Variants in SGCZ observed in about 807,000 individuals in gnomAD.
SGCZ encodes sarcoglycan zeta, also known as zeta-sarcoglycan.
Under a neutral mutation model 41.3 loss-of-function variants are expected in SGCZ, and 40 were observed. The ratio of observed to expected loss-of-function variants is 0.97; its 90% CI spans 0.75 to 1.26. The LOEUF (loss-of-function observed/expected upper bound fraction) is 1.26. Ranked by LOEUF, SGCZ falls within the 50% of genes most tolerant of loss-of-function variation. SGCZ has a pLI of 0.00. For synonymous variants in SGCZ, 206 were observed against 137.5 expected (o/e 1.50, Z -3.49); for missense variants, 552 against 369.8 (o/e 1.49, Z -4.04).
intron 3 of SGCZ, among the ~76,000 whole-genome samples, chr8:14,310,019 G>C (rs139703619): frequency 2.6e-5 from 4 of 151,950 alleles, no homozygotes; most frequent in African/African-American, 7.2e-5. Flanking sequence ...AAAAAAACTT[G>C]GCATTTCTAT....
intron 1 of SGCZ, among the ~76,000 whole-genome samples, chr8:14,598,530 T>G (rs1343805090): frequency 6.6e-6 from 1 of 151,812 alleles, no homozygotes; most frequent in Admixed American, 6.6e-5. Context: ...TATATATACA[T>G]AGCTTTTTTT....
intron 1 of SGCZ, among the ~76,000 whole-genome samples, chr8:14,992,199 T>C (rs1301041948): frequency 6.6e-6 from 1 of 151,694 alleles, no homozygotes; most frequent in Non-Finnish European, 1.5e-5. Flanking sequence ...TTATCCTTGA[T>C]ATTTACCTCT....
intron 2 of SGCZ, among the ~76,000 whole-genome samples, chr8:14,459,257 G>T (rs1482367667): frequency 6.6e-6 from 1 of 151,958 alleles, no homozygotes; most frequent in Non-Finnish European, 1.5e-5. Flanking sequence ...CCACACACCG[G>T]GGCCTGTTGT....
chr8:14,487,281 G>T (rs1305897516), intron 2 of SGCZ, among the ~76,000 whole-genome samples: 1 of 152,150 alleles, frequency 6.6e-6, no homozygotes. Flanking sequence ...ATAAGAATAT[G>T]AAACCATCCT....
At chr8:15,152,755 TG>T (rs1799218062) in intron 1 of SGCZ, among the ~76,000 whole-genome samples, 1 of 152,230 alleles carries the variant, frequency 6.6e-6, no homozygotes, top group African/African-American at 2.4e-5. Flanking sequence ...AAGTCCTTTT[TG>T]TTTAATGTCT....
intron 5 of SGCZ, among the ~76,000 whole-genome samples, chr8:14,110,525 T>C (rs567403165): frequency 6.6e-6 from 1 of 152,094 alleles, no homozygotes; most frequent in Admixed American, 6.6e-5. Flanking sequence ...TTTAAAGGAT[T>C]CTTGAAGAAA....
intron 1 of SGCZ, among the ~76,000 whole-genome samples, chr8:14,923,239 G>C (rs914589922): frequency 5.3e-5 from 8 of 152,122 alleles, no homozygotes; most frequent in African/African-American, 1.9e-4. Flanking sequence ...AGTGTAGGCA[G>C]CCTTTATTCT....
At chr8:14,275,081 G>A (rs1160492626) in intron 3 of SGCZ, among the ~76,000 whole-genome samples, 1 of 152,108 alleles carries the variant, frequency 6.6e-6, no homozygotes, top group Non-Finnish European at 1.5e-5. Context: ...TGTACATGTA[G>A]GAATACAGAA....
intron 5 of SGCZ, among the ~76,000 whole-genome samples, chr8:14,113,480 A>T (rs1251353942): frequency 1.3e-5 from 2 of 151,994 alleles, no homozygotes; most frequent in Non-Finnish European, 2.9e-5. Context: ...GCACCACATG[A>T]TGGATGGGAG....
chr8:14,245,063 T>A (rs1373446376), intron 3 of SGCZ, among the ~76,000 whole-genome samples: 1 of 152,220 alleles, frequency 6.6e-6, no homozygotes, highest in African/African-American at 2.4e-5. Flanking sequence ...ACTTCCTCTT[T>A]TCCTAATTGA....
chr8:14,584,580 G>C (rs1473405952), intron 1 of SGCZ, among the ~76,000 whole-genome samples: 1 of 152,046 alleles, frequency 6.6e-6, no homozygotes, highest in Non-Finnish European at 1.5e-5. Context: ...CAAATGATTA[G>C]GTTACAAAGT....
intron 2 of SGCZ, among the ~76,000 whole-genome samples, chr8:14,377,857 A>T (rs1306553988): frequency 2.0e-5 from 3 of 151,646 alleles, no homozygotes; most frequent in African/African-American, 7.3e-5. Flanking sequence ...AAGGACATGA[A>T]CTCATCATTT....
intron 1 of SGCZ, among the ~76,000 whole-genome samples, chr8:14,580,877 A>T (rs1445898623): frequency 6.6e-6 from 1 of 152,178 alleles, no homozygotes. Flanking sequence ...ATCATGGTTG[A>T]TTAGGGCTCA....
chr8:14,635,548 T>C (rs1264255732), intron 1 of SGCZ, among the ~76,000 whole-genome samples: 1 of 151,920 alleles, frequency 6.6e-6, no homozygotes, highest in Non-Finnish European at 1.5e-5. Flanking sequence ...CAGTGGAAAA[T>C]TCCAGAAATA....
At chr8:14,290,142 A>G (rs1379194290) in intron 3 of SGCZ, among the ~76,000 whole-genome samples, 1 of 152,104 alleles carries the variant, frequency 6.6e-6, no homozygotes, top group African/African-American at 2.4e-5. Flanking sequence ...GCCAAACTGT[A>G]TTAAGAACAA....
intron 2 of SGCZ, among the ~76,000 whole-genome samples, chr8:14,384,929 A>T (rs189119702): frequency 1.6e-4 from 25 of 152,340 alleles, no homozygotes; most frequent in Non-Finnish European, 3.7e-4. Flanking sequence ...TCCTAACTGA[A>T]AATGTTACGT....
chr8:15,181,691 A>C (rs977135512), intron 1 of SGCZ, among the ~76,000 whole-genome samples: 17 of 152,220 alleles, frequency 1.1e-4, no homozygotes, highest in African/African-American at 3.6e-4. Flanking sequence ...TAACTTTTCG[A>C]AAGTCGCTAG....
chr8:15,119,075 A>G (rs1807381109), intron 1 of SGCZ, among the ~76,000 whole-genome samples: 1 of 152,180 alleles, frequency 6.6e-6, no homozygotes, highest in Admixed American at 6.5e-5. Flanking sequence ...CTTTTTTCAG[A>G]GGTAGATTTT....
intron 1 of SGCZ, among the ~76,000 whole-genome samples, chr8:15,110,776 C>G (rs1446831857): frequency 6.6e-6 from 1 of 152,132 alleles, no homozygotes; most frequent in African/African-American, 2.4e-5. Context: ...CGAGACCAGC[C>G]TGACCAACAT....
Sources: allele counts gnomAD v4.1 joint callset (sites outside exome capture counted in the v4.1 genomes callset), GRCh38; gene constraint gnomAD v4.1.1; transcripts MANE v1.5; gene names NCBI Gene and HGNC (gene_info 2026-07-23, HGNC 2026-07-21).